Variants in NR2E1 observed in about 807,000 individuals in gnomAD.
The protein encoded by NR2E1 is nuclear receptor TLX.
Under a neutral mutation model 43.6 loss-of-function variants are expected in NR2E1, and 5 were observed. The ratio of observed to expected loss-of-function variants is 0.11; its 90% CI spans 0.06 to 0.24. The LOEUF is 0.24. Ranked by LOEUF, NR2E1 falls within the 10% of genes least tolerant of loss-of-function variation. NR2E1 has a pLI of 1.00. For synonymous variants in NR2E1, 191 were observed against 195.5 expected (o/e 0.98, Z 0.19); for missense variants, 287 against 496.7 (o/e 0.58, Z 4.01).
At position 108,171,378 on chromosome 6, in the gene NR2E1, C is replaced by T. The variant is rs1391582770; in HGVS notation, c.26-80C>T. The T allele has an allele frequency of 2.1e-6, 3 of 1,459,588 alleles. No individual in the cohort carries two copies. The East Asian group carries it at 6.8e-5, about 33-fold the overall frequency. 90.4% of individuals were successfully genotyped at this position (1,459,588 alleles called of 1,614,324 possible). ...CAGATTGCTTAGCATCTCTCTCTCC[C>T]TCTCCCCTTTTCTCCCTCTTCTCCG... is the stretch of plus-strand genomic sequence containing the variant. On this transcript the variant is annotated intron_variant, in intron 1 of 8. Coordinates refer to ENST00000368986, the MANE Select transcript of NR2E1 (RefSeq NM_003269.5).
Position 108,181,565 on chromosome 6 carries a change from T to C in NR2E1, c.909T>C (p.Ser303=). 1 of 1,614,074 alleles carries C rather than the reference T, an allele frequency of 6.2e-7. No homozygotes were observed. The highest frequency in any genetic ancestry group is 8.5e-7 in the Non-Finnish European group (1 of 1,179,910). Residue 303 remains serine (S), a synonymous_variant, in exon 8 of 9, where the codon TCT becomes TCC. Transcript: ENST00000368986. ...TFKAVPTHSG[S]ELRSFRNAAA... is the part of the protein sequence containing the mutation. ...TTCTAGTTCCTACACATAGTGGTTC[T>C]GAACTGAGAAGTTTCCGGAATGCTG...
At chr6:108,176,369 C>T (rs574484230) in intron 3 of NR2E1, 134 bp from the exon 4 acceptor site, 3 of 733,634 alleles carry the variant, frequency 4.1e-6, no homozygotes, top group Admixed American at 2.2e-5. Context: ...ATTCCCTCTC[C>T]CTTCTTCTTT....
chr6:108,175,951 C>T (rs1450759075), intron 3 of NR2E1, among the ~76,000 whole-genome samples: 2 of 152,234 alleles, frequency 1.3e-5, no homozygotes, highest in African/African-American at 4.8e-5. Context: ...GACGGGTTCT[C>T]CCTCGTTCCA....
At chr6:108,168,307 GC>G in intron 1 of NR2E1, 1 of 793,372 alleles carries the variant, frequency 1.3e-6, no homozygotes, top group Non-Finnish European at 2.0e-6. Context: ...TAGCTCGCTC[GC>G]CCCGGGACAG....
In NR2E1 at chr6:108,188,765, C is replaced by T. The variant is rs1314739335; in HGVS notation, c.*1302C>T. On this transcript the variant is annotated 3_prime_UTR_variant, in exon 9 of 9. Coordinates refer to ENST00000368986, the MANE Select transcript of NR2E1 (RefSeq NM_003269.5). The stretch of plus-strand genomic sequence containing the variant: ...TGATTTGTGAAGTTAAAAGGTTGTA[C>T]TCATTGTATTTACAAAGAATAAAAA... The T allele has an allele frequency of 2.0e-5, 3 of 152,108 alleles. No individual in the cohort carries two copies. Among genetic ancestry groups the T allele is most frequent in the Admixed American group, 6.5e-5 (1 of 15,278 alleles). The allele number at this position is 152,108 out of a possible 1,614,324, so 9.4% of individuals were successfully genotyped here.
intron 2 of NR2E1, among the ~76,000 whole-genome samples, chr6:108,172,666 G>GAT (rs1015770261): frequency 6.6e-5 from 10 of 152,162 alleles, no homozygotes; most frequent in Non-Finnish European, 1.3e-4. Flanking sequence ...TTCACTAATT[G>GAT]ATATATATAG....
In NR2E1 at chr6:108,187,633, C is replaced by T. The variant is rs1774096513; in HGVS notation, c.*170C>T. 3 of 718,914 alleles carry T rather than the reference C, an allele frequency of 4.2e-6. No homozygotes were observed. The South Asian group carries it at 4.7e-5, about 11-fold the overall frequency. 44.5% of individuals were successfully genotyped at this position (718,914 alleles called of 1,614,324 possible). A position where few individuals can be genotyped will look rare whatever the true frequency, so the allele number is the denominator to read the frequency against. ...GCATTCCAGTAGCTATGACCTGCCG[C>T]CCTGACCAGGATAGGGCGGGTGGGA... On this transcript the variant is annotated 3_prime_UTR_variant, in exon 9 of 9. Coordinates refer to ENST00000368986, the MANE Select transcript of NR2E1 (RefSeq NM_003269.5).
intron 8 of NR2E1, among the ~76,000 whole-genome samples, chr6:108,182,841 G>A (rs1464541472): frequency 6.6e-6 from 1 of 151,670 alleles, no homozygotes; most frequent in Non-Finnish European, 1.5e-5. Context: ...ACAGGTGTGA[G>A]CCACCATGCC....
At chr6:108,181,473 C>A in intron 7 of NR2E1, 73 bp from the exon 8 acceptor site, 1 of 1,250,262 alleles carries the variant, frequency 8.0e-7, no homozygotes, top group South Asian at 1.2e-5. Flanking sequence ...GGATTACAGG[C>A]GTGAGCACTG....
intron 1 of NR2E1, chr6:108,168,106 T>C (rs952705752): frequency 3.1e-6 from 5 of 1,604,696 alleles, no homozygotes; most frequent in Non-Finnish European, 4.3e-6. Flanking sequence ...GGCCCAGGAC[T>C]GGGTTTCCCT....
chr6:108,187,985 T>C lies in NR2E1; in HGVS notation c.*522T>C, dbSNP rs1350840623. On this transcript the variant is annotated 3_prime_UTR_variant, in exon 9 of 9. Coordinates refer to ENST00000368986, the MANE Select transcript of NR2E1 (RefSeq NM_003269.5). Reference sequence around the variant, plus strand: ...CCCTCTATTGTAATACATTATTAAGTGGCCTTCAGAACTGAGTTAATAAGT... The same window carrying C: ...CCCTCTATTGTAATACATTATTAAGCGGCCTTCAGAACTGAGTTAATAAGT... 1 of 165,204 alleles carries C rather than the reference T, an allele frequency of 6.1e-6. No individual in the cohort carries two copies. Among genetic ancestry groups the C allele is most frequent in the Non-Finnish European group, 1.3e-5 (1 of 74,460 alleles). 10.2% of individuals were successfully genotyped at this position (165,204 alleles called of 1,614,324 possible). A position where few individuals can be genotyped will look rare whatever the true frequency, so the allele number is the denominator to read the frequency against.
At chr6:108,178,940 T>C (rs1351825518) in intron 5 of NR2E1, 1 of 152,616 alleles carries the variant, frequency 6.6e-6, no homozygotes, top group South Asian at 2.1e-4. Context: ...ATATTAGAAA[T>C]GCTAACATTT....
chr6:108,168,098 C>G (rs1773741567), intron 1 of NR2E1: 8 of 1,604,098 alleles, frequency 5.0e-6, no homozygotes, highest in Non-Finnish European at 6.8e-6. Context: ...CGGACCCTGG[C>G]CCAGGACTGG....
rs1449520327 is a variant in NR2E1, at chr6:108,187,712, C to T, written c.*249C>T. ...ACTGAAAACTCACTGCTGCCATGCCCTGGGAGGGGGCAAACTGGGGGTTGC... is the reference window on the plus strand; with the variant it reads ...ACTGAAAACTCACTGCTGCCATGCCTTGGGAGGGGGCAAACTGGGGGTTGC... On this transcript the variant is annotated 3_prime_UTR_variant, in exon 9 of 9. Coordinates refer to ENST00000368986, the MANE Select transcript of NR2E1 (RefSeq NM_003269.5). 2 of 480,512 alleles carry T rather than the reference C, an allele frequency of 4.2e-6. No homozygotes were observed. Among genetic ancestry groups the T allele is most frequent in the Non-Finnish European group, 7.6e-6 (2 of 261,628 alleles). The allele number at this position is 480,512 out of a possible 1,614,324, so 29.8% of individuals were successfully genotyped here.
chr6:108,188,553 C>A lies in NR2E1; in HGVS notation c.*1090C>A, dbSNP rs17069347. The A allele has an allele frequency of 3.7e-5, 4 of 108,260 alleles. No homozygotes were observed. The highest frequency in any genetic ancestry group is 1.4e-4 in the African/African-American group (4 of 27,818). The allele number at this position is 108,260 out of a possible 1,614,324, so 6.7% of individuals were successfully genotyped here. A position where few individuals can be genotyped will look rare whatever the true frequency, so the allele number is the denominator to read the frequency against. ...CACACACACACACACACACACACAC[C>A]GTCCTACACTTTAAGCTGCTCCTTT... is the stretch of plus-strand genomic sequence containing the variant. On this transcript the variant is annotated 3_prime_UTR_variant, in exon 9 of 9. Transcript: ENST00000368986.
chr6:108,182,405 G>T lies in NR2E1; in HGVS notation c.995+754G>T, dbSNP rs578102938. 2.0e-5 allele frequency among the ~76,000 whole-genome samples: 3 copies of T among 152,016 alleles called. No individual in the cohort carries two copies. In the South Asian group the frequency reaches 6.2e-4, roughly 32 times the overall value. On this transcript the variant is annotated intron_variant, in intron 8 of 8. Coordinates refer to ENST00000368986, the MANE Select transcript of NR2E1 (RefSeq NM_003269.5). ...AGGCTATCTTTTTTTTTGAGACAGG[G>T]TCTTGCTCTGTTGCCCAGGCTGGAA...
intron 8 of NR2E1, among the ~76,000 whole-genome samples, chr6:108,185,829 G>A (rs915934346): frequency 3.3e-5 from 5 of 152,174 alleles, no homozygotes; most frequent in African/African-American, 9.7e-5. Context: ...TAATCTAATC[G>A]CAGAAAATCA....
At chr6:108,175,789 C>A (rs1247837609) in intron 3 of NR2E1, among the ~76,000 whole-genome samples, 1 of 152,256 alleles carries the variant, frequency 6.6e-6, no homozygotes, top group African/African-American at 2.4e-5. Context: ...CTCTGCGGCG[C>A]AGGAAGCCGG....
chr6:108,182,835 G>T (rs998136047), intron 8 of NR2E1, among the ~76,000 whole-genome samples: 4 of 151,774 alleles, frequency 2.6e-5, no homozygotes, highest in Non-Finnish European at 4.4e-5. Flanking sequence ...GGGATTACAG[G>T]TGTGAGCCAC....
Sources: gnomAD v4.1 joint callset for allele counts (sites outside exome capture counted in the v4.1 genomes callset) on GRCh38, gnomAD v4.1.1 for gene constraint, MANE v1.5 for transcripts, NCBI Gene and HGNC (gene_info 2026-07-23, HGNC 2026-07-21) for gene names.